The following PDE4B variants were observed in gnomAD, a reference collection of about 807,000 sequenced individuals.
PDE4B encodes 3',5'-cyclic-AMP phosphodiesterase 4B.
Under a neutral mutation model 82.2 loss-of-function variants are expected in PDE4B, and 20 were observed. That is an observed-to-expected ratio of 0.24 (90% confidence interval 0.17 to 0.35). The LOEUF is 0.35. Among genes scored for constraint, PDE4B ranks in the 10% least tolerant of loss-of-function variants. The pLI, the probability that PDE4B is intolerant of heterozygous loss-of-function variation, is 1.00. For synonymous variants in PDE4B, 320 were observed against 318.9 expected, an observed-to-expected ratio of 1.00 and a Z score of -0.04; for missense variants, 655 against 907.2, an observed-to-expected ratio of 0.72 and a Z score of 3.57.
intron 3 of PDE4B, among the ~76,000 whole-genome samples, chr1:66,209,978 A>C (rs12024035): frequency 2.6e-5 from 4 of 152,116 alleles, no homozygotes; most frequent in African/African-American, 9.7e-5. Flanking sequence ...TAAAGCTGCT[A>C]TGAGCGTTCG....
At chr1:65,935,948 A>AAACAAC (rs527864035) in intron 3 of PDE4B, among the ~76,000 whole-genome samples, 1 of 152,048 alleles carries the variant, frequency 6.6e-6, no homozygotes, top group Non-Finnish European at 1.5e-5. Context: ...AAAAAAAACA[A>AAACAAC]AACAACAACA....
intron 3 of PDE4B, among the ~76,000 whole-genome samples, chr1:66,111,090 A>G (rs937534374): frequency 2.6e-5 from 4 of 152,108 alleles, no homozygotes; most frequent in Non-Finnish European, 4.4e-5. Flanking sequence ...ATTTATAAGT[A>G]AATCATGAAA....
intron 3 of PDE4B, among the ~76,000 whole-genome samples, chr1:66,011,494 A>G (rs1338820457): frequency 6.6e-6 from 1 of 152,136 alleles, no homozygotes; most frequent in African/African-American, 2.4e-5. Context: ...CAAGAGCAAC[A>G]TGAATATTTT....
At chr1:66,051,723 A>G (rs368201588) in intron 3 of PDE4B, among the ~76,000 whole-genome samples, 1 of 152,280 alleles carries the variant, frequency 6.6e-6, no homozygotes, top group East Asian at 1.9e-4. Flanking sequence ...TGATTTGGAT[A>G]AATTGCCAAG....
chr1:66,321,201 T>A (rs189031269), intron 7 of PDE4B, among the ~76,000 whole-genome samples: 2 of 152,332 alleles, frequency 1.3e-5, no homozygotes, highest in East Asian at 3.9e-4. Flanking sequence ...CACTGGGCTC[T>A]TGTGAGTTGA....
intron 3 of PDE4B, among the ~76,000 whole-genome samples, chr1:66,001,516 T>G (rs1173513623): frequency 6.6e-6 from 1 of 152,190 alleles, no homozygotes; most frequent in Non-Finnish European, 1.5e-5. Flanking sequence ...GTGGTATTCC[T>G]TTGTATTGGG....
intron 4 of PDE4B, among the ~76,000 whole-genome samples, chr1:66,254,324 G>GA (rs1450629973): frequency 1.3e-5 from 2 of 152,172 alleles, no homozygotes; most frequent in African/African-American, 2.4e-5. Flanking sequence ...TTCATCTTGG[G>GA]AAAAAAGGTT....
chr1:66,005,338 A>G (rs1315155938), intron 3 of PDE4B, among the ~76,000 whole-genome samples: 1 of 152,114 alleles, frequency 6.6e-6, no homozygotes, highest in Non-Finnish European at 1.5e-5. Flanking sequence ...CATATAACCA[A>G]TATATAATGA....
intron 3 of PDE4B, among the ~76,000 whole-genome samples, chr1:66,100,401 C>A (rs1016516394): frequency 4.6e-4 from 70 of 152,064 alleles, no homozygotes; most frequent in Non-Finnish European, 9.4e-4. Flanking sequence ...AAAGTAAGAT[C>A]TGTGAGGATA....
chr1:66,165,914 T>C (rs1217815682), intron 3 of PDE4B, among the ~76,000 whole-genome samples: 1 of 148,888 alleles, frequency 6.7e-6, no homozygotes. Flanking sequence ...CATATGGAAA[T>C]GCAAGGGACC....
At chr1:65,911,995 C>T (rs191750492) in intron 1 of PDE4B, among the ~76,000 whole-genome samples, 188 of 147,566 alleles carry the variant, frequency 1.3e-3, no homozygotes, top group African/African-American at 4.2e-3. Context: ...GCTAGAGAAG[C>T]AGACTTTTTT....
intron 3 of PDE4B, among the ~76,000 whole-genome samples, chr1:65,963,309 C>A (rs1351748224): frequency 1.3e-5 from 2 of 152,196 alleles, no homozygotes; most frequent in Non-Finnish European, 2.9e-5. Flanking sequence ...GCCTACAAGC[C>A]TGCCCTCCAG....
At chr1:66,338,357 G>T (rs901773909) in intron 8 of PDE4B, among the ~76,000 whole-genome samples, 4 of 120,588 alleles carry the variant, frequency 3.3e-5, no homozygotes, top group Non-Finnish European at 6.7e-5. Flanking sequence ...GGGTGATCTT[G>T]TTCTTTCAAC....
At chr1:66,337,187 C>A (rs981952006) in intron 8 of PDE4B, among the ~76,000 whole-genome samples, 19 of 152,314 alleles carry the variant, frequency 1.2e-4, no homozygotes, top group African/African-American at 4.1e-4. Context: ...ATGATTACAG[C>A]AGTGCCGCCC....
intron 3 of PDE4B, among the ~76,000 whole-genome samples, chr1:66,140,531 A>T (rs965213916): frequency 1.3e-5 from 2 of 152,244 alleles, no homozygotes; most frequent in African/African-American, 4.8e-5. Flanking sequence ...ACCAAAAAAA[A>T]GTAAAAAGTA....
intron 3 of PDE4B, among the ~76,000 whole-genome samples, chr1:65,951,690 C>G (rs114925956): frequency 5.0e-4 from 76 of 152,152 alleles, no homozygotes; most frequent in African/African-American, 1.7e-3. Context: ...AAAATCCATG[C>G]GGAAATGAGG....
intron 3 of PDE4B, among the ~76,000 whole-genome samples, chr1:66,103,735 G>C (rs1216594315): frequency 6.6e-6 from 1 of 151,966 alleles, no homozygotes; most frequent in African/African-American, 2.4e-5. Flanking sequence ...ATTTCCCCCT[G>C]TGCAATCTGT....
intron 3 of PDE4B, among the ~76,000 whole-genome samples, chr1:66,020,465 T>TC (rs1483721890): frequency 6.8e-6 from 1 of 147,290 alleles, no homozygotes; most frequent in Non-Finnish European, 1.5e-5. Context: ...CCCTCCTCCC[T>TC]CCCCCCACCC....
chr1:65,978,122 G>T (rs1650506081), intron 3 of PDE4B, among the ~76,000 whole-genome samples: 1 of 150,608 alleles, frequency 6.6e-6, no homozygotes, highest in African/African-American at 2.4e-5. Flanking sequence ...CCGCCTCCCA[G>T]GTTCAAGTGA....
Sources: gnomAD v4.1 joint callset for allele counts (sites outside exome capture counted in the v4.1 genomes callset) on GRCh38, gnomAD v4.1.1 for gene constraint, MANE v1.5 for transcripts, NCBI Gene and HGNC (gene_info 2026-07-23, HGNC 2026-07-21) for gene names.